The following LRRC8A variants were observed in gnomAD, a reference collection of about 807,000 sequenced individuals.
LRRC8A encodes leucine rich repeat containing 8 VRAC subunit A.
Under a neutral mutation model 52.5 loss-of-function variants are expected in LRRC8A, and 24 were observed. That is an observed-to-expected ratio of 0.46 (90% CI 0.33 to 0.64). The LOEUF is 0.64. Among genes scored for constraint, LRRC8A ranks in the 30% least tolerant of loss-of-function variants. The pLI is 0.02. For missense variants in LRRC8A, 677 were observed against 1,094.7 expected (o/e 0.62, Z 5.38); for synonymous variants, 492 against 494.2 (o/e 1.00, Z 0.06).
At chr9:128,884,716 G>C (rs1432561032) in intron 1 of LRRC8A, among the ~76,000 whole-genome samples, 2 of 152,152 alleles carry the variant, frequency 1.3e-5, no homozygotes, top group African/African-American at 4.8e-5. Flanking sequence ...GCCATGGGCA[G>C]GTGATTGGAC....
intron 3 of LRRC8A, among the ~76,000 whole-genome samples, chr9:128,910,884 A>G (rs1840490322): frequency 6.6e-6 from 1 of 152,138 alleles, no homozygotes; most frequent in Non-Finnish European, 1.5e-5. Context: ...CGCGTTTCTT[A>G]GTTCGGTTGT....
At chr9:128,898,303 C>T (rs567476943) in intron 2 of LRRC8A, among the ~76,000 whole-genome samples, 6 of 152,256 alleles carry the variant, frequency 3.9e-5, no homozygotes, top group South Asian at 2.1e-4. Context: ...TCACTGCAAC[C>T]TCCACCACCT....
Position 128,908,107 on chromosome 9 carries a change from G to T in LRRC8A, c.943G>T (p.Ala315Ser). The T allele has an allele frequency of 6.2e-7, 1 of 1,613,894 alleles. No homozygotes were observed. The highest frequency in any genetic ancestry group is 8.5e-7 in the Non-Finnish European group (1 of 1,180,012). Residue 315 changes from alanine (A) to serine (S), a missense_variant, in exon 3 of 4, where the codon GCC (alanine) becomes TCC (serine). Ala to Ser is a moderately conservative substitution (Grantham distance 99). Around this residue, in one of 4 missense-constraint regions of LRRC8A, gnomAD observed 422 missense variants for 741.5 expected, o/e 0.57. Coordinates refer to ENST00000372600, the MANE Select transcript of LRRC8A (RefSeq NM_019594.4). The stretch of plus-strand genomic sequence containing the variant: ...CACCTACCGCTGTGCCCACCCCCTG[G>T]CCACACTCTTCAAGATCCTGGCGTC... ...YRTYRCAHPL[A>S]TLFKILASFY... is the part of the protein sequence containing the mutation.
intron 1 of LRRC8A, chr9:128,885,378 C>G (rs1300789511): frequency 1.3e-5 from 2 of 152,268 alleles, no homozygotes; most frequent in South Asian, 2.1e-4. Flanking sequence ...GCCATGTACT[C>G]TCTCCTCCAG....
chr9:128,896,326 A>G (rs1301717567), intron 2 of LRRC8A, among the ~76,000 whole-genome samples: 1 of 152,218 alleles, frequency 6.6e-6, no homozygotes, highest in Admixed American at 6.5e-5. Flanking sequence ...CTGTTGATGA[A>G]CATGTGGGTC....
intron 2 of LRRC8A, among the ~76,000 whole-genome samples, chr9:128,900,437 A>G (rs186393718): frequency 2.8e-4 from 43 of 152,336 alleles, no homozygotes; most frequent in Non-Finnish European, 2.9e-5. Context: ...GGCTGGACGC[A>G]GTGGCTCATG....
intron 1 of LRRC8A, among the ~76,000 whole-genome samples, chr9:128,883,537 A>T (rs1839228815): frequency 6.6e-6 from 1 of 152,226 alleles, no homozygotes; most frequent in Admixed American, 6.5e-5. Context: ...GCAAGGACAG[A>T]TGACCTGTGC....
chr9:128,883,640 G>T (rs1449083993), intron 1 of LRRC8A, among the ~76,000 whole-genome samples: 3 of 152,196 alleles, frequency 2.0e-5, no homozygotes, highest in East Asian at 3.8e-4. Flanking sequence ...TTGGCATGGG[G>T]TCTGATGCCC....
chr9:128,882,282 G>C (rs1425262935), intron 1 of LRRC8A, 32 bp downstream of exon 1: 1 of 153,896 alleles, frequency 6.5e-6, no homozygotes, highest in African/African-American at 2.4e-5. Context: ...AGGGGCGCGA[G>C]CTGTCACCTC....
At position 128,908,180 on chromosome 9, in the gene LRRC8A, C is replaced by T; in HGVS notation, c.1016C>T (p.Thr339Ile). ...TTCTACGGCCTCATCTGCATGTATACACTGTGGTGGATGCTACGGCGCTCC... is the reference window on the plus strand; with the variant it reads ...TTCTACGGCCTCATCTGCATGTATATACTGTGGTGGATGCTACGGCGCTCC... ...VIFYGLICMY[T>I]LWWMLRRSLK... Residue 339 changes from threonine (T) to isoleucine (I), a missense_variant, in exon 3 of 4, where the codon ACA becomes ATA. Around this residue, in one of 4 missense-constraint regions of LRRC8A, gnomAD observed 422 missense variants for 741.5 expected, o/e 0.57. Transcript: ENST00000372600. 1 of 1,614,078 alleles carries T rather than the reference C, an allele frequency of 6.2e-7. No individual in the cohort carries two copies. The highest frequency in any genetic ancestry group is 8.5e-7 in the Non-Finnish European group (1 of 1,180,030).
rs1240644891 is a variant in LRRC8A at position 128,911,986 on chromosome 9, T to G, written c.2157+2665T>G. Among the ~76,000 whole-genome samples the G allele has an allele frequency of 2.0e-5, 3 of 152,240 alleles. No homozygotes were observed. Among genetic ancestry groups the G allele is most frequent in the African/African-American group, 4.8e-5 (2 of 41,466 alleles). ...GGTGGGCGTGGCCTGCCCACGCCCT[T>G]GCGTGCTGTTTCTCCAGATTTATAC... On this transcript the variant is annotated intron_variant, in intron 3 of 3. Coordinates refer to ENST00000372600, the MANE Select transcript of LRRC8A (RefSeq NM_019594.4). This position sits in a 1 kb window ranked among gnomAD's most constrained non-coding sequence, Gnocchi z 4.9.
intron 1 of LRRC8A, among the ~76,000 whole-genome samples, 152 bp from the exon 2 acceptor site, chr9:128,885,863 T>G (rs976748042): frequency 2.9e-4 from 44 of 152,026 alleles, no homozygotes; most frequent in Admixed American, 2.9e-3. Flanking sequence ...GAACCGAGAT[T>G]GCACCACTAT....
chr9:128,907,088 C>T lies in LRRC8A; in HGVS notation c.-8-69C>T, dbSNP rs1027230914. On this transcript the variant is annotated intron_variant, in intron 2 of 3. Coordinates refer to ENST00000372600, the MANE Select transcript of LRRC8A (RefSeq NM_019594.4). The surrounding 1 kb of genome is among the most constrained non-coding windows in gnomAD (Gnocchi z 9.3). ...ATGGAAGAATTTTCATTGTCTTCTTCCCCTGACCCCTGGTCCTAGGAAAGC... is the reference window on the plus strand; with the variant it reads ...ATGGAAGAATTTTCATTGTCTTCTTTCCCTGACCCCTGGTCCTAGGAAAGC... The T allele has an allele frequency of 6.4e-6, 8 of 1,241,098 alleles. No homozygotes were observed. The African/African-American group carries it at 1.2e-4, about 19-fold the overall frequency. The allele number at this position is 1,241,098 out of a possible 1,614,324, so 76.9% of individuals were successfully genotyped here. A position where few individuals can be genotyped will look rare whatever the true frequency, so the allele number is the denominator to read the frequency against.
chr9:128,899,311 C>T lies in LRRC8A; in HGVS notation c.-8-7846C>T, dbSNP rs902527088. 1.3e-5 allele frequency among the ~76,000 whole-genome samples: 2 copies of T among 152,050 alleles called. No homozygotes were observed. Among genetic ancestry groups the T allele is most frequent in the Non-Finnish European group, 2.9e-5 (2 of 67,996 alleles). On this transcript the variant is annotated intron_variant, in intron 2 of 3. Transcript: ENST00000372600. This position sits in a 1 kb window ranked among gnomAD's most constrained non-coding sequence, Gnocchi z 4.0. ...CGTAAGGCAGAGATAGCCCAGCCAC[C>T]CCCACCCCACGCCTCAAAGGCTCCC...
chr9:128,909,874 A>T (rs6478856), intron 3 of LRRC8A, among the ~76,000 whole-genome samples: 2 of 152,220 alleles, frequency 1.3e-5, no homozygotes, highest in Admixed American at 1.3e-4. Flanking sequence ...ACCTTTCTCC[A>T]CTGCATTTGG....
chr9:128,886,902 C>T (rs1221136922), intron 2 of LRRC8A, among the ~76,000 whole-genome samples: 2 of 152,098 alleles, frequency 1.3e-5, no homozygotes, highest in African/African-American at 4.8e-5. Flanking sequence ...GATGTGGAAA[C>T]TGAGAATCAG....
rs922699493 is a variant in LRRC8A, at chr9:128,886,069, G to A, written c.-61G>A. On this transcript the variant is annotated 5_prime_UTR_variant, in exon 2 of 4. Transcript: ENST00000372600. ...GCCAGGATCCTGCACAGGCAGACGC[G>A]GGCCAGCCTCAGCACCGACAGCCGA... is the stretch of plus-strand genomic sequence containing the variant. 2 of 152,422 alleles carry A rather than the reference G, an allele frequency of 1.3e-5. No homozygotes were observed. The highest frequency in any genetic ancestry group is 1.5e-5 in the Non-Finnish European group (1 of 68,160). 9.4% of individuals were successfully genotyped at this position (152,422 alleles called of 1,614,324 possible).
At position 128,907,120 on chromosome 9, in the gene LRRC8A, AC is replaced by A; in HGVS notation, c.-8-34del. The A allele has an allele frequency of 2.6e-6, 4 of 1,534,616 alleles. No homozygotes were observed. Among genetic ancestry groups the A allele is most frequent in the Non-Finnish European group, 3.6e-6 (4 of 1,124,346 alleles). Reference sequence around the variant, plus strand: ...CCCCTGGTCCTAGGAAAGCCAGGCCACCCTGTGCTAACCCCCCTCCTATGGC... The same window carrying A: ...CCCCTGGTCCTAGGAAAGCCAGGCCACCTGTGCTAACCCCCCTCCTATGGC... On this transcript the variant is annotated intron_variant, in intron 2 of 3. Transcript: ENST00000372600. This position sits in a 1 kb window ranked among gnomAD's most constrained non-coding sequence, Gnocchi z 9.3.
chr9:128,893,965 G>A (rs529026081), intron 2 of LRRC8A, among the ~76,000 whole-genome samples: 3 of 152,048 alleles, frequency 2.0e-5, no homozygotes, highest in African/African-American at 4.8e-5. Context: ...TGCAACCTGC[G>A]CCTCCCGGGT....
Sources: allele counts gnomAD v4.1 joint callset (sites outside exome capture counted in the v4.1 genomes callset), GRCh38; gene constraint gnomAD v4.1.1; regional missense constraint gnomAD v4.1.1; non-coding constraint Gnocchi (gnomAD v3.1); transcripts MANE v1.5; gene names NCBI Gene and HGNC (gene_info 2026-07-23, HGNC 2026-07-21).